The following TBXAS1 variants were observed in gnomAD, a reference collection of about 807,000 sequenced individuals.
TBXAS1 encodes the protein thromboxane-A synthase.
A neutral mutation model predicts 60.7 loss-of-function variants in TBXAS1; 48 were observed. The observed-to-expected ratio is 0.79, with a 90% confidence interval of 0.63 to 1.01. TBXAS1 has a LOEUF of 1.01. Among genes scored for constraint, TBXAS1 ranks in the 50% least tolerant of loss-of-function variants. TBXAS1 has a pLI of 0.00. For missense variants in TBXAS1, 685 were observed against 686.3 expected (o/e 1.00, Z 0.02); for synonymous variants, 287 against 269.7 (o/e 1.06, Z -0.63).
intron 9 of TBXAS1, among the ~76,000 whole-genome samples, chr7:140,000,712 A>G (rs1288533986): frequency 6.6e-6 from 1 of 152,308 alleles, no homozygotes; most frequent in East Asian, 1.9e-4. Flanking sequence ...CCCAATATTT[A>G]ATTTTCAACC....
chr7:139,900,747 C>G (rs960237393), intron 3 of TBXAS1, among the ~76,000 whole-genome samples: 1 of 152,240 alleles, frequency 6.6e-6, no homozygotes, highest in African/African-American at 2.4e-5. Context: ...CAGACCGGCT[C>G]TCTCCATGTG....
At chr7:139,972,733 G>A (rs978201039) in intron 9 of TBXAS1, among the ~76,000 whole-genome samples, 1 of 151,962 alleles carries the variant, frequency 6.6e-6, no homozygotes, top group Non-Finnish European at 1.5e-5. Flanking sequence ...CACATGATCC[G>A]TTATTAACAC....
At chr7:139,966,562 C>T (rs559851045) in intron 9 of TBXAS1, among the ~76,000 whole-genome samples, 1 of 152,354 alleles carries the variant, frequency 6.6e-6, no homozygotes, top group South Asian at 2.1e-4. Flanking sequence ...GCTGTGTAAC[C>T]AGTGTTTTGA....
At chr7:139,843,973 A>G (rs761241761) in intron 1 of TBXAS1, among the ~76,000 whole-genome samples, 3 of 152,224 alleles carry the variant, frequency 2.0e-5, no homozygotes, top group Non-Finnish European at 4.4e-5. Flanking sequence ...ATCTTGATTC[A>G]TGCAATCGTC....
chr7:139,821,684 G>A (rs1373905695), intron 4 of TBXAS1, among the ~76,000 whole-genome samples: 1 of 152,228 alleles, frequency 6.6e-6, no homozygotes, highest in East Asian at 1.9e-4. Flanking sequence ...CACAATGAGT[G>A]GCACCTGCAA....
chr7:139,934,838 A>G (rs1807617204), intron 4 of TBXAS1, among the ~76,000 whole-genome samples: 2 of 152,012 alleles, frequency 1.3e-5, no homozygotes, highest in Non-Finnish European at 2.9e-5. Flanking sequence ...TTTGAGACGG[A>G]GTCTTGCTCT....
At chr7:139,951,299 G>A (rs1250415905) in intron 5 of TBXAS1, among the ~76,000 whole-genome samples, 4 of 152,136 alleles carry the variant, frequency 2.6e-5, no homozygotes, top group Admixed American at 6.5e-5. Flanking sequence ...TGCGATTGAC[G>A]TGTAGGGTAC....
At chr7:139,992,740 A>G in intron 9 of TBXAS1, among the ~76,000 whole-genome samples, 1 of 152,324 alleles carries the variant, frequency 6.6e-6, no homozygotes, top group African/African-American at 2.4e-5. Flanking sequence ...GGTTCTTGGC[A>G]TGGGGAGTGA....
At chr7:139,786,794 T>C (rs182137274) in intron 3 of TBXAS1, among the ~76,000 whole-genome samples, 11 of 152,356 alleles carry the variant, frequency 7.2e-5, no homozygotes, top group African/African-American at 2.6e-4. Context: ...CTTGGAGACT[T>C]CTGAGAAAGT....
chr7:139,876,868 T>C (rs920217514), intron 3 of TBXAS1, among the ~76,000 whole-genome samples: 1 of 152,026 alleles, frequency 6.6e-6, no homozygotes, highest in Non-Finnish European at 1.5e-5. Context: ...CTTGGCTGGA[T>C]GGCTCCGCTG....
chr7:139,836,926 T>A (rs767731307), intron 1 of TBXAS1, among the ~76,000 whole-genome samples: 2 of 152,146 alleles, frequency 1.3e-5, no homozygotes, highest in Admixed American at 6.5e-5. Flanking sequence ...GACCAAGGAC[T>A]CACATTCAGA....
At chr7:139,805,686 C>CTT (rs1468097571) in intron 4 of TBXAS1, among the ~76,000 whole-genome samples, 5 of 33,854 alleles carry the variant, frequency 1.5e-4, no homozygotes, top group African/African-American at 5.8e-4. Context: ...TTCTTTCTTT[C>CTT]TTTCTTTCTT....
At chr7:140,017,942 G>C in intron 12 of TBXAS1, 109 bp downstream of exon 12, 1 of 1,487,152 alleles carries the variant, frequency 6.7e-7, no homozygotes, top group Non-Finnish European at 9.3e-7. Context: ...CTCTGCCTCC[G>C]TGAGCTTGGG....
chr7:139,784,228 C>G (rs1161035119), intron 3 of TBXAS1, among the ~76,000 whole-genome samples: 1 of 139,556 alleles, frequency 7.2e-6, no homozygotes, highest in Non-Finnish European at 1.5e-5. Flanking sequence ...CATTCTTTCT[C>G]TCTCTCTCTC....
intron 1 of TBXAS1, among the ~76,000 whole-genome samples, chr7:139,842,201 C>T (rs1799495063): frequency 6.6e-6 from 1 of 152,120 alleles, no homozygotes; most frequent in South Asian, 2.1e-4. Flanking sequence ...CATACCTTCT[C>T]TCGTCTAGTA....
At chr7:139,915,698 G>A (rs895778127) in intron 4 of TBXAS1, among the ~76,000 whole-genome samples, 42 of 152,186 alleles carry the variant, frequency 2.8e-4, no homozygotes, top group Non-Finnish European at 4.0e-4. Flanking sequence ...TTCACTGGAG[G>A]TGGGGGTGAT....
chr7:139,907,903 T>C (rs549864749), intron 3 of TBXAS1, among the ~76,000 whole-genome samples: 1 of 152,054 alleles, frequency 6.6e-6, no homozygotes. Flanking sequence ...GTAATTTTCA[T>C]AGAATTGGTC....
chr7:139,837,862 G>C (rs1396384631), intron 1 of TBXAS1, among the ~76,000 whole-genome samples: 1 of 152,202 alleles, frequency 6.6e-6, no homozygotes, highest in African/African-American at 2.4e-5. Context: ...GGCACACCAA[G>C]GTTGCTTCTT....
intron 4 of TBXAS1, among the ~76,000 whole-genome samples, chr7:139,818,335 G>C (rs1420472999): frequency 1.3e-5 from 2 of 152,168 alleles, no homozygotes; most frequent in Non-Finnish European, 2.9e-5. Flanking sequence ...GTTCAGTACA[G>C]AGACCACCAG....
Sources: gnomAD v4.1 joint callset for allele counts (sites outside exome capture counted in the v4.1 genomes callset) on GRCh38, gnomAD v4.1.1 for gene constraint, MANE v1.5 for transcripts, NCBI Gene and HGNC (gene_info 2026-07-23, HGNC 2026-07-21) for gene names.